The following TSHZ3 variants were observed in gnomAD, a reference collection of about 807,000 sequenced individuals.
The protein encoded by TSHZ3 is teashirt zinc finger homeobox 3.
Under a neutral mutation model 64.5 loss-of-function variants are expected in TSHZ3, and 10 were observed. The observed-to-expected ratio is 0.16, with a 90% CI of 0.10 to 0.26. The LOEUF (loss-of-function observed/expected upper bound fraction) is 0.26. Ranked by LOEUF, TSHZ3 falls within the 10% of genes least tolerant of loss-of-function variation. The pLI is 1.00. For synonymous variants in TSHZ3, 608 were observed against 593.1 expected (o/e 1.03, Z -0.36); for missense variants, 1,242 against 1,421.7 (o/e 0.87, Z 2.03).
chr19:31,327,945 C>T (rs1016708160), intron 1 of TSHZ3, among the ~76,000 whole-genome samples: 13 of 152,318 alleles, frequency 8.5e-5, no homozygotes, highest in South Asian at 4.1e-4. Flanking sequence ...ACCAATACAT[C>T]GGCTGTCAGA....
chr19:31,266,549 G>A (rs1976056188), intron 1 of TSHZ3, among the ~76,000 whole-genome samples: 2 of 152,034 alleles, frequency 1.3e-5, no homozygotes, highest in South Asian at 2.1e-4. Context: ...TCACCTACGA[G>A]CCCATTAACA....
rs1976252635 is a variant in TSHZ3, at chr19:31,277,120, C to T, written c.2673G>A (p.Arg891=). 3 of 1,603,842 alleles carry T rather than the reference C, an allele frequency of 1.9e-6. No homozygotes were observed. In the African/African-American group the frequency reaches 4.0e-5, roughly 21 times the overall value. Residue 891 remains arginine, a synonymous_variant, in exon 2 of 2, where the codon AGG becomes AGA. Coordinates refer to ENST00000240587, the MANE Select transcript of TSHZ3 (RefSeq NM_020856.4). This position sits in a 1 kb window ranked among gnomAD's most constrained non-coding sequence, Gnocchi z 4.5. The part of the protein sequence containing the change: ...EAEESTPAQK[R]KGRQSNWNPQ... ...GGTTCCAGTTTGACTGGCGGCCCTT[C>T]CTCTTCTGGGCGGGCGTCGACTCCT...
chr19:31,160,303 G>A (rs1974359464), intron 5 of TSHZ3, among the ~76,000 whole-genome samples: 1 of 152,172 alleles, frequency 6.6e-6, no homozygotes, highest in Admixed American at 6.5e-5. Flanking sequence ...ACTGTAAGAT[G>A]CATGAAGGGT....
At chr19:31,162,497 T>G (rs1255540597) in intron 5 of TSHZ3, among the ~76,000 whole-genome samples, 2 of 152,116 alleles carry the variant, frequency 1.3e-5, no homozygotes, top group African/African-American at 4.8e-5. Context: ...GATGACGGCT[T>G]TTTTCCGACT....
chr19:31,243,167 C>A (rs1383099649), intron 1 of TSHZ3, among the ~76,000 whole-genome samples: 1 of 152,234 alleles, frequency 6.6e-6, no homozygotes, highest in East Asian at 1.9e-4. Flanking sequence ...GCACATATAT[C>A]TGTAGCTATA....
At chr19:31,226,973 C>CTTTTTTTTT (rs1255178594) in intron 4 of TSHZ3, among the ~76,000 whole-genome samples, 12 of 68,138 alleles carry the variant, frequency 1.8e-4, no homozygotes, top group African/African-American at 1.1e-3. Flanking sequence ...TTCTTTCTTT[C>CTTTTTTTTT]TTTCTTTTTT....
At chr19:31,154,692 C>T (rs1599550358) in intron 6 of TSHZ3, among the ~76,000 whole-genome samples, 1 of 152,254 alleles carries the variant, frequency 6.6e-6, no homozygotes, top group African/African-American at 2.4e-5. Flanking sequence ...ACTCCTATCA[C>T]CGCAAATGGC....
In TSHZ3 at chr19:31,185,991, G is replaced by A. The variant is rs189165070; in HGVS notation, n.809+18965C>T. Among the ~76,000 whole-genome samples, 22 of 152,218 alleles carry A rather than the reference G, an allele frequency of 1.4e-4. 1 individual carries two copies. Among genetic ancestry groups the A allele is most frequent in the Admixed American group, 4.6e-4 (7 of 15,294 alleles). ...CAATGTTTCTGTGGCTCTCTGTTGCGCATAACCATAGGCCACTCATTTCTA... is the reference window on the plus strand; with the variant it reads ...CAATGTTTCTGTGGCTCTCTGTTGCACATAACCATAGGCCACTCATTTCTA... On this transcript the variant is annotated intron_variant and non_coding_transcript_variant, in intron 5 of 6. Transcript: ENST00000651361.
intron 1 of TSHZ3, among the ~76,000 whole-genome samples, chr19:31,300,246 C>T (rs1976731648): frequency 6.6e-6 from 1 of 152,046 alleles, no homozygotes; most frequent in Non-Finnish European, 1.5e-5. Flanking sequence ...TGTCACTGGC[C>T]AAATCTATAC....
chr19:31,207,560 T>C (rs1165993336), intron 4 of TSHZ3: 1 of 152,166 alleles, frequency 6.6e-6, no homozygotes, highest in Non-Finnish European at 1.5e-5. Context: ...ATCTGAACTA[T>C]TTCTGAGTTT....
Position 31,278,382 on chromosome 19 carries a change from T to G in TSHZ3, c.1411A>C (p.Lys471Gln), listed in dbSNP as rs767595069. 1 of 1,614,080 alleles carries G rather than the reference T, an allele frequency of 6.2e-7. No homozygotes were observed. The highest frequency in any genetic ancestry group is 8.5e-7 in the Non-Finnish European group (1 of 1,180,034). Residue 471 changes from lysine to glutamine, a missense_variant, in exon 2 of 2, where the codon AAG becomes CAG. Around this residue, in one of 4 missense-constraint regions of TSHZ3, gnomAD observed 555 missense variants for 704.0 expected, o/e 0.79. Transcript: ENST00000240587. This position sits in a 1 kb window ranked among gnomAD's most constrained non-coding sequence, Gnocchi z 4.7. ...SISPKLNVEV[K>Q]KEVDKEKAVT... is the part of the protein sequence containing the mutation. ...GCTTTCTCCTTGTCGACTTCCTTCT[T>G]GACCTCCACATTCAGTTTTGGGGAG...
At chr19:31,341,727 G>A (rs1203719820) in intron 1 of TSHZ3, among the ~76,000 whole-genome samples, 16 of 150,758 alleles carry the variant, frequency 1.1e-4, no homozygotes, top group African/African-American at 3.2e-4. Context: ...CCTTTGATCC[G>A]AATCCTCTGC....
intron 5 of TSHZ3, among the ~76,000 whole-genome samples, chr19:31,191,173 A>G (rs1386059024): frequency 6.6e-6 from 1 of 152,230 alleles, no homozygotes; most frequent in African/African-American, 2.4e-5. Context: ...AACAATATCA[A>G]CACGGTTGAC....
At chr19:31,325,298 T>C (rs529048620) in intron 1 of TSHZ3, among the ~76,000 whole-genome samples, 3 of 152,326 alleles carry the variant, frequency 2.0e-5, no homozygotes, top group Non-Finnish European at 4.4e-5. Context: ...GTCTCAGTTT[T>C]CCCGTCCATC....
intron 1 of TSHZ3, among the ~76,000 whole-genome samples, chr19:31,333,835 G>C (rs756188344): frequency 1.3e-5 from 2 of 152,114 alleles, no homozygotes; most frequent in Non-Finnish European, 2.9e-5. Flanking sequence ...CCGCACGCAC[G>C]CTAATAAGTA....
chr19:31,299,144 G>A (rs914718329), intron 1 of TSHZ3, among the ~76,000 whole-genome samples: 3 of 152,138 alleles, frequency 2.0e-5, no homozygotes, highest in African/African-American at 2.4e-5. Flanking sequence ...GCAGTAAGCC[G>A]GGATTTCACC....
intron 1 of TSHZ3, among the ~76,000 whole-genome samples, chr19:31,286,545 C>T (rs1976467174): frequency 1.3e-5 from 2 of 152,228 alleles, no homozygotes; most frequent in Admixed American, 1.3e-4. Flanking sequence ...GCTAGTTCCA[C>T]AGCACACTTG....
chr19:31,189,242 C>T (rs975980864), intron 5 of TSHZ3, among the ~76,000 whole-genome samples: 1 of 151,806 alleles, frequency 6.6e-6, no homozygotes, highest in Non-Finnish European at 1.5e-5. Flanking sequence ...TTATTATCTT[C>T]AATGTTTGTT....
chr19:31,301,136 C>T (rs942497937), intron 1 of TSHZ3, among the ~76,000 whole-genome samples: 11 of 152,030 alleles, frequency 7.2e-5, no homozygotes, highest in Non-Finnish European at 1.5e-4. Context: ...GATGGTGAGA[C>T]AGGGAAGGCT....
Sources: gnomAD v4.1 joint callset for allele counts (sites outside exome capture counted in the v4.1 genomes callset) on GRCh38, gnomAD v4.1.1 for gene constraint, gnomAD v4.1.1 regional missense constraint, Gnocchi (gnomAD v3.1) non-coding constraint, MANE v1.5 for transcripts, NCBI Gene and HGNC (gene_info 2026-07-23, HGNC 2026-07-21) for gene names.